The following TBC1D5 variants were observed in gnomAD, a reference collection of about 807,000 sequenced individuals.
The protein encoded by TBC1D5 is TBC1 domain family, member 5.
In TBC1D5, 75 loss-of-function variants were observed where a neutral mutation model predicts 100.3. The ratio of observed to expected loss-of-function variants is 0.75; its 90% CI spans 0.62 to 0.91. TBC1D5 has a LOEUF of 0.91. Among genes scored for constraint, TBC1D5 ranks in the 40% least tolerant of loss-of-function variants. The pLI, the probability that TBC1D5 is intolerant of heterozygous loss-of-function variation, is 0.00. For missense variants in TBC1D5, 910 were observed against 942.4 expected (o/e 0.97, Z 0.45); for synonymous variants, 323 against 325.6 (o/e 0.99, Z 0.09).
chr3:17,361,559 T>C (rs755385992), intron 13 of TBC1D5, among the ~76,000 whole-genome samples: 2 of 152,108 alleles, frequency 1.3e-5, no homozygotes, highest in African/African-American at 4.8e-5. Flanking sequence ...ATCATGTTTT[T>C]AGATCATAAT....
At chr3:17,528,505 A>C (rs1310466088) in intron 2 of TBC1D5, among the ~76,000 whole-genome samples, 1 of 152,158 alleles carries the variant, frequency 6.6e-6, no homozygotes, top group Admixed American at 6.5e-5. Context: ...ATTGTGAAAA[A>C]TAAATCTCTG....
intron 1 of TBC1D5, among the ~76,000 whole-genome samples, chr3:17,629,921 A>G (rs909735747): frequency 5.3e-5 from 8 of 152,186 alleles, no homozygotes; most frequent in African/African-American, 1.9e-4. Flanking sequence ...TAAACCATTA[A>G]ATTTGTGATA....
At chr3:17,443,857 C>T (rs144901891) in intron 3 of TBC1D5, among the ~76,000 whole-genome samples, 9 of 152,158 alleles carry the variant, frequency 5.9e-5, no homozygotes, top group African/African-American at 1.4e-4. Flanking sequence ...AAGTTATATA[C>T]AATCTGAAGA....
intron 14 of TBC1D5, among the ~76,000 whole-genome samples, chr3:17,293,848 C>T (rs2081993107): frequency 6.6e-6 from 1 of 152,204 alleles, no homozygotes; most frequent in Non-Finnish European, 1.5e-5. Flanking sequence ...AGGCCACATG[C>T]TAAGAACTTT....
intron 8 of TBC1D5, among the ~76,000 whole-genome samples, chr3:17,398,313 G>A (rs990834112): frequency 2.0e-5 from 3 of 151,634 alleles, no homozygotes; most frequent in African/African-American, 4.8e-5. Context: ...ACGCTTTGAG[G>A]CAAAAAAGGG....
intron 13 of TBC1D5, among the ~76,000 whole-genome samples, chr3:17,351,729 T>TA (rs1275613718): frequency 2.7e-5 from 4 of 150,600 alleles, no homozygotes; most frequent in East Asian, 3.9e-4. Context: ...AAGTATAATT[T>TA]AAAAAAAAGA....
chr3:17,541,553 T>G (rs766760029), intron 2 of TBC1D5, among the ~76,000 whole-genome samples: 1 of 152,220 alleles, frequency 6.6e-6, no homozygotes, highest in Non-Finnish European at 1.5e-5. Flanking sequence ...TTCTGCTACT[T>G]TGCTGAATTC....
intron 2 of TBC1D5, among the ~76,000 whole-genome samples, chr3:17,588,646 G>T (rs1216503326): frequency 6.6e-6 from 1 of 151,864 alleles, no homozygotes; most frequent in African/African-American, 2.4e-5. Flanking sequence ...TTTTGAAGTT[G>T]TGCACTCCTA....
At chr3:17,373,085 C>G (rs183295630) in intron 12 of TBC1D5, among the ~76,000 whole-genome samples, 26 of 152,246 alleles carry the variant, frequency 1.7e-4, no homozygotes, top group Admixed American at 9.8e-4. Flanking sequence ...ATTTCATATT[C>G]TTTTCACATG....
intron 8 of TBC1D5, among the ~76,000 whole-genome samples, chr3:17,390,221 C>G (rs145473566): frequency 6.6e-6 from 1 of 152,024 alleles, no homozygotes; most frequent in South Asian, 2.1e-4. Context: ...CAACTAAACA[C>G]CAACTTTGGA....
intron 4 of TBC1D5, among the ~76,000 whole-genome samples, chr3:17,420,892 CAGG>C (rs2094192092): frequency 6.6e-6 from 1 of 152,116 alleles, no homozygotes; most frequent in African/African-American, 2.4e-5. Flanking sequence ...CTTGGATGAT[CAGG>C]CTTTCAGCTG....
intron 1 of TBC1D5, among the ~76,000 whole-genome samples, chr3:17,677,067 A>G (rs956255321): frequency 1.3e-5 from 2 of 152,208 alleles, no homozygotes; most frequent in African/African-American, 4.8e-5. Flanking sequence ...AAACCTAGGC[A>G]ATACCATTCA....
intron 3 of TBC1D5, among the ~76,000 whole-genome samples, chr3:17,505,964 C>G (rs545322104): frequency 6.6e-6 from 1 of 152,068 alleles, no homozygotes; most frequent in Non-Finnish European, 1.5e-5. Context: ...GCATATATAT[C>G]TGTATATATT....
intron 3 of TBC1D5, among the ~76,000 whole-genome samples, chr3:17,450,194 CA>C (rs1360444093): frequency 3.3e-5 from 5 of 152,082 alleles, no homozygotes; most frequent in Admixed American, 1.3e-4. Context: ...TCAACATCAA[CA>C]AAAAGGACAC....
rs191991011 is a variant in TBC1D5 at position 17,202,592 on chromosome 3, C to T, written c.1752+11615G>A. 8.4e-4 allele frequency among the ~76,000 whole-genome samples: 128 copies of T among 152,306 alleles called. 2 individuals carry two copies. The East Asian group carries it at 0.012, about 14-fold the overall frequency. On this transcript the variant is annotated intron_variant, in intron 18 of 21. Coordinates refer to ENST00000253692, the Ensembl canonical transcript of TBC1D5. ...CTGCTTCCATCACAGGCCTAGAGGC[C>T]TAGGAGGGAAGAATGGTTTTGTGGG...
chr3:17,497,914 T>A (rs918048709), intron 3 of TBC1D5, among the ~76,000 whole-genome samples: 1 of 152,112 alleles, frequency 6.6e-6, no homozygotes, highest in Non-Finnish European at 1.5e-5. Context: ...TTAAAGATAT[T>A]TGTTAAGTTC....
At chr3:17,621,160 G>A (rs1050983261) in intron 2 of TBC1D5, among the ~76,000 whole-genome samples, 7 of 152,126 alleles carry the variant, frequency 4.6e-5, no homozygotes, top group African/African-American at 1.4e-4. Flanking sequence ...ATTAGAATTA[G>A]AGAAACTGGT....
At chr3:17,587,126 A>G (rs2096737833) in intron 2 of TBC1D5, among the ~76,000 whole-genome samples, 1 of 152,026 alleles carries the variant, frequency 6.6e-6, no homozygotes, top group Non-Finnish European at 1.5e-5. Context: ...TTTTCTAAAG[A>G]AAAATTTTTT....
chr3:17,501,420 A>G (rs1461199580), intron 3 of TBC1D5, among the ~76,000 whole-genome samples: 1 of 149,490 alleles, frequency 6.7e-6, no homozygotes, highest in South Asian at 2.1e-4. Flanking sequence ...TTAGATAGGT[A>G]CATTTAATAT....
Sources: gnomAD v4.1 joint callset for allele counts (sites outside exome capture counted in the v4.1 genomes callset) on GRCh38, gnomAD v4.1.1 for gene constraint, MANE v1.5 for transcripts, NCBI Gene and HGNC (gene_info 2026-07-23, HGNC 2026-07-21) for gene names.